The following ADPRHL1 variants were observed in gnomAD, a reference collection of about 807,000 sequenced individuals.
ADPRHL1 encodes the protein ADP-ribosylhydrolase like 1.
A neutral mutation model predicts 44.1 loss-of-function variants in ADPRHL1; 43 were observed. The ratio of observed to expected loss-of-function variants is 0.98; its 90% CI spans 0.76 to 1.26. The LOEUF is 1.26. ADPRHL1 is among the 50% of genes most tolerant of loss of function. The pLI is 0.00. For synonymous variants in ADPRHL1, 878 were observed against 1,017.4 expected, an observed-to-expected ratio of 0.86 and a Z score of 2.61; for missense variants, 2,022 against 2,496.9, an observed-to-expected ratio of 0.81 and a Z score of 4.05.
At position 113,444,466 on chromosome 13, in the gene ADPRHL1, T is replaced by C. The variant is rs1219898409; in HGVS notation, c.338A>G (p.Asn113Ser). Residue 113 changes from asparagine to serine, a missense_variant, in exon 2 of 8, where the codon AAT (asparagine) becomes AGT (serine). Around this residue, in one of 8 missense-constraint regions of ADPRHL1, gnomAD observed 437 missense variants for 430.7 expected, o/e 1.01. Transcript: ENST00000612156. ...TIEGCAQLKP[N>S]NYLLAWHTPF... The stretch of plus-strand genomic sequence containing the variant: ...TGTGTGCCAGGCGAGAAGGTAGTTA[T>C]TGGGCTTTAGCTGAGCACAGCCTTC... 6.2e-7 allele frequency: 1 copy of C among 1,614,078 alleles called. No homozygotes were observed. The highest frequency in any genetic ancestry group is 8.5e-7 in the Non-Finnish European group (1 of 1,180,038).
intron 1 of ADPRHL1, among the ~76,000 whole-genome samples, chr13:113,450,210 G>T (rs1336770757): frequency 6.6e-6 from 1 of 152,182 alleles, no homozygotes; most frequent in South Asian, 2.1e-4. Context: ...GAGCCACTGT[G>T]CCCAGCCCTC....
chr13:113,407,731 C>A lies in ADPRHL1; in HGVS notation c.1551G>T (p.Ala517=), dbSNP rs1017985376. ...KIFLAAEEKE[A]KEKEAREKPP... ...GCTTCTCGCGTGCTTCTTTCTCCTT[C>A]GCCTCCTTCTCCTCGGCGGCCAAGA... The change falls in exon 8 of 8, where the codon GCG becomes GCT. Residue 517 remains alanine (A), a synonymous_variant. Coordinates refer to ENST00000612156, the MANE Select transcript of ADPRHL1 (RefSeq NM_001394807.1). The A allele has an allele frequency of 1.6e-6, 2 of 1,232,024 alleles. No homozygotes were observed. The highest frequency in any genetic ancestry group is 1.0e-6 in the Non-Finnish European group (1 of 988,060). 76.3% of individuals were successfully genotyped at this position (1,232,024 alleles called of 1,614,324 possible). A position where few individuals can be genotyped will look rare whatever the true frequency, so the allele number is the denominator to read the frequency against.
intron 7 of ADPRHL1, chr13:113,421,842 TG>T (rs2043925811): frequency 1.3e-5 from 2 of 152,386 alleles, no homozygotes; most frequent in African/African-American, 4.8e-5. Flanking sequence ...TCCCTGAGGC[TG>T]GGGCTTCCTC....
At chr13:113,414,681 T>G (rs79159475) in intron 7 of ADPRHL1, among the ~76,000 whole-genome samples, 1 of 145,282 alleles carries the variant, frequency 6.9e-6, no homozygotes, top group Non-Finnish European at 1.5e-5. Context: ...TGTTTTCTGT[T>G]TTTTTTTTTT....
At chr13:113,442,830 G>A (rs2044108296) in intron 2 of ADPRHL1, among the ~76,000 whole-genome samples, 1 of 152,168 alleles carries the variant, frequency 6.6e-6, no homozygotes, top group South Asian at 2.1e-4. Flanking sequence ...ACATGCGTCA[G>A]GCTGCCTGAG....
At chr13:113,451,580 G>C (rs997059752) in intron 1 of ADPRHL1, among the ~76,000 whole-genome samples, 21 of 152,158 alleles carry the variant, frequency 1.4e-4, no homozygotes, top group African/African-American at 4.6e-4. Flanking sequence ...AGCTGAGGTG[G>C]GTGGATCACT....
In ADPRHL1 at chr13:113,437,229, AC is replaced by A. The variant is rs201861974; in HGVS notation, c.380-3363del. Among the ~76,000 whole-genome samples, 1,296 of 146,442 alleles carry A rather than the reference AC, an allele frequency of 8.8e-3. 17 individuals carry two copies. Among genetic ancestry groups the A allele is most frequent in the Non-Finnish European group, 0.015 (1,004 of 66,038 alleles). On this transcript the variant is annotated intron_variant, in intron 2 of 7. Transcript: ENST00000612156. ...CCACACGTAGAGTGAACACAGGTGT[AC>A]CCCGGGACCCGGCACCCACACATAG...
At chr13:113,413,667 C>T (rs1310918066) in intron 7 of ADPRHL1, among the ~76,000 whole-genome samples, 1 of 152,236 alleles carries the variant, frequency 6.6e-6, no homozygotes, top group Non-Finnish European at 1.5e-5. Context: ...TCAGCCCCAC[C>T]CCTCAAAGCC....
At chr13:113,425,260 G>GT (rs1252622180) in intron 4 of ADPRHL1, 81 bp from the exon 5 acceptor site, 1 of 1,106,920 alleles carries the variant, frequency 9.0e-7, no homozygotes, top group Non-Finnish European at 1.2e-6. Flanking sequence ...GGTGGGGAGG[G>GT]TGGGGGCGTG....
intron 1 of ADPRHL1, among the ~76,000 whole-genome samples, chr13:113,450,959 C>T (rs867345879): frequency 1.5e-4 from 22 of 151,598 alleles, no homozygotes; most frequent in African/African-American, 3.7e-4. Context: ...GAGACCCCCC[C>T]CCCCTTCCTG....
At position 113,406,348 on chromosome 13, in the gene ADPRHL1, C is replaced by T; in HGVS notation, c.2934G>A (p.Arg978=). 6 of 1,232,090 alleles carry T rather than the reference C, an allele frequency of 4.9e-6. No individual in the cohort carries two copies. The highest frequency in any genetic ancestry group is 8.4e-5 in the Admixed American group (2 of 23,724). 76.3% of individuals were successfully genotyped at this position (1,232,090 alleles called of 1,614,324 possible). ...PRNPDDISGE[R]TSELRDVKHP... ...GCTTCACATCTCTGAGCTCAGAGGTCCTCTCTCCTGAAATATCGTCAGGAT... is the reference window on the plus strand; with the variant it reads ...GCTTCACATCTCTGAGCTCAGAGGTTCTCTCTCCTGAAATATCGTCAGGAT... The change falls in exon 8 of 8, where the codon AGG becomes AGA. Residue 978 remains arginine, a synonymous_variant. Coordinates refer to ENST00000612156, the MANE Select transcript of ADPRHL1 (RefSeq NM_001394807.1).
chr13:113,445,944 G>A (rs1231565418), intron 1 of ADPRHL1, among the ~76,000 whole-genome samples: 1 of 151,086 alleles, frequency 6.6e-6, no homozygotes, highest in Non-Finnish European at 1.5e-5. Flanking sequence ...GCACGTGTAG[G>A]GACCATGGCT....
chr13:113,425,008 C>A (rs764257382), intron 5 of ADPRHL1, 44 bp downstream of exon 5: 1 of 1,610,880 alleles, frequency 6.2e-7, no homozygotes, highest in South Asian at 1.1e-5. Context: ...TATTGAGCAC[C>A]ACTGGTGTGC....
At chr13:113,412,406 C>G (rs1052811555) in intron 7 of ADPRHL1, among the ~76,000 whole-genome samples, 1 of 152,202 alleles carries the variant, frequency 6.6e-6, no homozygotes, top group Admixed American at 6.5e-5. Flanking sequence ...TCTCGATCTC[C>G]TGACCTCGTG....
chr13:113,436,345 G>A (rs1162644537), intron 2 of ADPRHL1, among the ~76,000 whole-genome samples: 2 of 130,096 alleles, frequency 1.5e-5, no homozygotes, highest in South Asian at 2.5e-4. Context: ...GAACACAGGT[G>A]TACCCCGGGA....
In ADPRHL1 at chr13:113,403,975, C is replaced by T; in HGVS notation, c.5307G>A (p.Gln1769=). The T allele has an allele frequency of 7.6e-7, 1 of 1,320,746 alleles. No homozygotes were observed. 81.8% of individuals were successfully genotyped at this position (1,320,746 alleles called of 1,614,324 possible). The change falls in exon 8 of 8, where the codon CAG becomes CAA. Residue 1769 remains glutamine (Q), a synonymous_variant. Coordinates refer to ENST00000612156, the MANE Select transcript of ADPRHL1 (RefSeq NM_001394807.1). ...CCCGAGCCCGATCCCGAGCCCATTC[C>T]TGAGCCCCTTTCTGGGCCTGACCCT... ...EAQGQAQKGA[Q]EWARDRARDQ...
chr13:113,424,114 G>C, intron 6 of ADPRHL1, 103 bp downstream of exon 6: 1 of 1,459,348 alleles, frequency 6.9e-7, no homozygotes, highest in Non-Finnish European at 9.2e-7. Flanking sequence ...TGGAGCTCAG[G>C]AGGTGGCCCC....
At chr13:113,421,643 C>G (rs937566437) in intron 7 of ADPRHL1, among the ~76,000 whole-genome samples, 1 of 152,214 alleles carries the variant, frequency 6.6e-6, no homozygotes, top group African/African-American at 2.4e-5. Context: ...CCGTGGCCCC[C>G]ACCTGTGAAG....
At chr13:113,438,115 G>A (rs895526455) in intron 2 of ADPRHL1, among the ~76,000 whole-genome samples, 2 of 152,036 alleles carry the variant, frequency 1.3e-5, no homozygotes, top group African/African-American at 2.4e-5. Context: ...ACAGACATGA[G>A]CCACCACGCC....
Sources: gnomAD v4.1 joint callset for allele counts (sites outside exome capture counted in the v4.1 genomes callset) on GRCh38, gnomAD v4.1.1 for gene constraint, gnomAD v4.1.1 regional missense constraint, MANE v1.5 for transcripts, NCBI Gene and HGNC (gene_info 2026-07-23, HGNC 2026-07-21) for gene names.